The following GPC4 variants were observed in gnomAD, a reference collection of about 807,000 sequenced individuals.
The protein encoded by GPC4 is glypican 4.
Under a neutral mutation model 35.0 loss-of-function variants are expected in GPC4, and 10 were observed. That is an observed-to-expected ratio of 0.29 (90% CI 0.18 to 0.48). GPC4 has a LOEUF of 0.48. GPC4 is among the 20% of genes least tolerant of loss of function. The pLI, the probability that GPC4 is intolerant of heterozygous loss-of-function variation, is 0.99. For synonymous variants in GPC4, 167 were observed against 170.2 expected, an observed-to-expected ratio of 0.98 and a Z score of 0.15; for missense variants, 322 against 451.3, an observed-to-expected ratio of 0.71 and a Z score of 2.60.
intron 2 of GPC4, among the ~76,000 whole-genome samples, chrX:133,325,867 G>A (rs1158689028): frequency 4.5e-5 from 5 of 111,569 alleles, no homozygotes; most frequent in African/African-American, 1.6e-4. Flanking sequence ...CTTTTGCAGG[G>A]AGATGTATGT....
At chrX:133,401,169 C>G in intron 1 of GPC4, among the ~76,000 whole-genome samples, 1 of 111,444 alleles carries the variant, frequency 9.0e-6, no homozygotes, top group African/African-American at 3.3e-5. Flanking sequence ...AAGAGAAGAC[C>G]TCGTGGGCTG....
chrX:133,310,228 C>T (rs2068309071), intron 4 of GPC4, among the ~76,000 whole-genome samples: 1 of 111,258 alleles, frequency 9.0e-6, no homozygotes, highest in African/African-American at 3.3e-5. Flanking sequence ...ATGATTTGGA[C>T]AAATAAGTGA....
intron 1 of GPC4, among the ~76,000 whole-genome samples, chrX:133,383,601 T>C (rs1485748814): frequency 9.0e-6 from 1 of 110,962 alleles, no homozygotes; most frequent in Non-Finnish European, 1.9e-5. Flanking sequence ...ATCCCAGCAC[T>C]TTGGGAGGTG....
chrX:133,313,473 G>T (rs1261605370), intron 3 of GPC4, among the ~76,000 whole-genome samples: 1 of 112,489 alleles, frequency 8.9e-6, no homozygotes, highest in Non-Finnish European at 1.9e-5. Flanking sequence ...TACCCTGGAG[G>T]AATGGCCTTT....
intron 1 of GPC4, among the ~76,000 whole-genome samples, chrX:133,359,693 G>C (rs112843280): frequency 1.8e-5 from 2 of 111,011 alleles, no homozygotes; most frequent in African/African-American, 6.5e-5. Flanking sequence ...CACTGAACTC[G>C]GCAGGTCAGA....
intron 1 of GPC4, among the ~76,000 whole-genome samples, chrX:133,350,510 G>T (rs1225365504): frequency 2.7e-5 from 3 of 110,032 alleles, no homozygotes; most frequent in African/African-American, 1.0e-4. Flanking sequence ...GGAGTGGGGT[G>T]GGGGGGAATG....
rs768525193 is a variant in GPC4 at position 133,311,499 on chromosome X, A to G, written c.712-76T>C. ...CAGAAATTGCTTCTATCACATTGAC[A>G]CTGAAGGCTTGGCCATGAACTTAAG... On this transcript the variant is annotated intron_variant, in intron 3 of 8. Transcript: ENST00000370828. 27 of 957,310 alleles carry G rather than the reference A, an allele frequency of 2.8e-5. No individual in the cohort carries two copies. In the East Asian group the frequency reaches 7.7e-4, roughly 27 times the overall value. 78.9% of individuals were successfully genotyped at this position (957,310 alleles called of 1,213,427 possible).
chrX:133,357,214 T>C (rs1003325021), intron 1 of GPC4, among the ~76,000 whole-genome samples: 8 of 108,866 alleles, frequency 7.3e-5, no homozygotes, highest in Admixed American at 2.9e-4. Flanking sequence ...CAAAACCCTG[T>C]CTCTACTAAA....
chrX:133,409,371 A>G (rs2124187425), intron 1 of GPC4, among the ~76,000 whole-genome samples: 1 of 106,413 alleles, frequency 9.4e-6, no homozygotes, highest in South Asian at 4.2e-4. Flanking sequence ...TAGATCCAAA[A>G]GATTCCTAGG....
At chrX:133,325,019 AT>A (rs965795913) in intron 2 of GPC4, among the ~76,000 whole-genome samples, 3 of 110,576 alleles carry the variant, frequency 2.7e-5, no homozygotes, top group Non-Finnish European at 5.7e-5. Context: ...TTGGGCCTGA[AT>A]TTTTTTTTCA....
At chrX:133,393,875 T>C (rs1215036476) in intron 1 of GPC4, among the ~76,000 whole-genome samples, 1 of 112,026 alleles carries the variant, frequency 8.9e-6, no homozygotes, top group Non-Finnish European at 1.9e-5. Context: ...ATTCAGTCAT[T>C]TGCAATTTTT....
rs1281332276 is a variant in GPC4, at chrX:133,301,398, T to C, written c.*1469A>G. 2 of 112,724 alleles carry C rather than the reference T, an allele frequency of 1.8e-5. No individual in the cohort carries two copies. The highest frequency in any genetic ancestry group is 3.7e-5 in the Non-Finnish European group (2 of 53,362). The allele number at this position is 112,724 out of a possible 1,213,427, so 9.3% of individuals were successfully genotyped here. ...AGTGATTTGTTACATTATCAGAGTT[T>C]TATGAGCTATCATTTGGTAAGGACA... On this transcript the variant is annotated 3_prime_UTR_variant, in exon 9 of 9. Coordinates refer to ENST00000370828, the MANE Select transcript of GPC4 (RefSeq NM_001448.3).
In GPC4 at chrX:133,415,107, GC is replaced by G. The variant is rs2068832832; in HGVS notation, c.-143del. 2 of 583,763 alleles carry G rather than the reference GC, an allele frequency of 3.4e-6. No homozygotes were observed. Among genetic ancestry groups the G allele is most frequent in the Middle Eastern group, 5.4e-4 (1 of 1,838 alleles). The allele number at this position is 583,763 out of a possible 1,213,427, so 48.1% of individuals were successfully genotyped here. A position where few individuals can be genotyped will look rare whatever the true frequency, so the allele number is the denominator to read the frequency against. On this transcript the variant is annotated 5_prime_UTR_variant, in exon 1 of 9. Coordinates refer to ENST00000370828, the MANE Select transcript of GPC4 (RefSeq NM_001448.3). The stretch of plus-strand genomic sequence containing the variant: ...GAGTTGGAGTTGGTGGAAGAGGCGA[GC>G]AGGCGGAGGAGACGCGGGGCGAAAA...
At chrX:133,411,261 T>C (rs1343533138) in intron 1 of GPC4, among the ~76,000 whole-genome samples, 1 of 112,117 alleles carries the variant, frequency 8.9e-6, no homozygotes, top group Non-Finnish European at 1.9e-5. Flanking sequence ...CACAAAGTTC[T>C]GAGTATCATT....
intron 1 of GPC4, among the ~76,000 whole-genome samples, chrX:133,364,973 G>A (rs1450075079): frequency 3.6e-5 from 4 of 111,716 alleles, no homozygotes; most frequent in Admixed American, 9.5e-5. Context: ...TGTCATTCTT[G>A]TCAAAAGATG....
intron 1 of GPC4, among the ~76,000 whole-genome samples, chrX:133,382,762 A>C (rs760917813): frequency 1.8e-5 from 2 of 112,211 alleles, no homozygotes; most frequent in South Asian, 7.2e-4. Context: ...AACAAACAAA[A>C]AAACAGGCAA....
chrX:133,403,030 A>G (rs951276724), intron 1 of GPC4, among the ~76,000 whole-genome samples: 1 of 111,564 alleles, frequency 9.0e-6, no homozygotes, highest in East Asian at 2.8e-4. Context: ...GGATTAAAAC[A>G]AACCACATGA....
intron 3 of GPC4, among the ~76,000 whole-genome samples, chrX:133,319,176 G>C (rs1395216829): frequency 1.8e-5 from 2 of 110,814 alleles, no homozygotes; most frequent in African/African-American, 6.6e-5. Flanking sequence ...GGGCGCAGTG[G>C]CTTATGCCTG....
chrX:133,408,673 G>A (rs1020623361), intron 1 of GPC4, among the ~76,000 whole-genome samples: 2 of 110,938 alleles, frequency 1.8e-5, no homozygotes, highest in Non-Finnish European at 3.8e-5. Flanking sequence ...CGGAGGTTGC[G>A]GAGAGCTGAG....
Sources: allele counts gnomAD v4.1 joint callset (sites outside exome capture counted in the v4.1 genomes callset), GRCh38; gene constraint gnomAD v4.1.1; transcripts MANE v1.5; gene names NCBI Gene and HGNC (gene_info 2026-07-23, HGNC 2026-07-21).